The following MS4A12 variants were observed in gnomAD, a reference collection of about 807,000 sequenced individuals.
MS4A12 encodes membrane spanning 4-domains A12.
MS4A12 carries 28 observed loss-of-function variants against 23.7 expected under a neutral mutation model. The ratio of observed to expected loss-of-function variants is 1.18; its 90% CI spans 0.88 to 1.62. The LOEUF (loss-of-function observed/expected upper bound fraction) is 1.62, where lower values mean the gene tolerates loss of function less well. MS4A12 is among the 40% of genes most tolerant of loss of function. The pLI, the probability that MS4A12 is intolerant of heterozygous loss-of-function variation, is 0.00. For synonymous variants in MS4A12, 108 were observed against 110.1 expected, an observed-to-expected ratio of 0.98 and a Z score of 0.12; for missense variants, 342 against 327.0, an observed-to-expected ratio of 1.05 and a Z score of -0.35.
In MS4A12 at chr11:60,506,761, ATCT is replaced by A; in HGVS notation, c.626_628del (p.Phe209del). On this transcript the variant is annotated inframe_deletion, in exon 6 of 7. Coordinates refer to ENST00000016913, the MANE Select transcript of MS4A12 (RefSeq NM_017716.3). ...AAAAGGCATTTCAGCCACGCTGATG[ATCT>A]TCTCCCTCTTGGAGTTCTTCGTAGC... is the stretch of plus-strand genomic sequence containing the variant. 3 of 1,614,144 alleles carry A rather than the reference ATCT, an allele frequency of 1.9e-6. No homozygotes were observed.
intron 2 of MS4A12, 65 bp from the exon 3 acceptor site, chr11:60,500,980 G>T: frequency 6.7e-7 from 1 of 1,502,734 alleles, no homozygotes; most frequent in South Asian, 1.4e-5. Context: ...GGGCAGCAAT[G>T]ACAGTAATGT....
intron 2 of MS4A12, 66 bp downstream of exon 2, chr11:60,497,660 A>G (rs1354918813): frequency 1.3e-6 from 2 of 1,516,646 alleles, no homozygotes; most frequent in African/African-American, 2.8e-5. Flanking sequence ...GTTATAGGAG[A>G]GTATCATCCA....
At chr11:60,496,885 T>G (rs1246472268) in intron 1 of MS4A12, among the ~76,000 whole-genome samples, 1 of 152,210 alleles carries the variant, frequency 6.6e-6, no homozygotes, top group African/African-American at 2.4e-5. Context: ...GTTGGCAGCA[T>G]AGCATCTCTC....
chr11:60,493,273 G>A (rs2086462906), intron 1 of MS4A12, among the ~76,000 whole-genome samples: 1 of 151,942 alleles, frequency 6.6e-6, no homozygotes, highest in Admixed American at 6.6e-5. Context: ...CTACTCGGGG[G>A]GCTGAGGCAG....
At chr11:60,494,909 C>T (rs6591593) in intron 1 of MS4A12, among the ~76,000 whole-genome samples, 85,298 of 151,862 alleles carry the variant, frequency 0.56, 24,063 homozygotes, top group East Asian at 0.65. Flanking sequence ...TTGAGAGTTA[C>T]GTGGTGTTAC....
In MS4A12 at chr11:60,507,315, A is replaced by C; in HGVS notation, c.*191A>C. On this transcript the variant is annotated 3_prime_UTR_variant, in exon 7 of 7. Transcript: ENST00000016913. ...TCTCTTCCTACATTACCACTACTAC[A>C]TGCTGGCAAAGGTGAAGGATCAGAG... The C allele has an allele frequency of 3.6e-6, 2 of 555,618 alleles. No individual in the cohort carries two copies. The highest frequency in any genetic ancestry group is 6.4e-6 in the Non-Finnish European group (2 of 314,148). 34.4% of individuals were successfully genotyped at this position (555,618 alleles called of 1,614,324 possible).
Position 60,497,513 on chromosome 11 carries a change from G to A in MS4A12, c.195G>A (p.Pro65=), listed in dbSNP as rs375239051. Residue 65 remains proline, a synonymous_variant, in exon 2 of 7, where the codon CCG becomes CCA. Coordinates refer to ENST00000016913, the MANE Select transcript of MS4A12 (RefSeq NM_017716.3). ...TSPGIFASSQ[P]GQGNIQMINP... Reference sequence around the variant, plus strand: ...CGGGAATCTTTGCTAGCAGTCAACCGGGTCAAGGAAATATACAAATGATAA... The same window carrying A: ...CGGGAATCTTTGCTAGCAGTCAACCAGGTCAAGGAAATATACAAATGATAA... 4.6e-5 allele frequency: 74 copies of A among 1,613,948 alleles called. No individual in the cohort carries two copies. The highest frequency in any genetic ancestry group is 1.7e-4 in the Admixed American group (10 of 59,998).
intron 2 of MS4A12, chr11:60,498,124 A>C (rs535048547): frequency 6.5e-6 from 1 of 152,702 alleles, no homozygotes; most frequent in Non-Finnish European, 1.5e-5. Flanking sequence ...GAGACTCTGA[A>C]CTGACTGCCT....
Position 60,501,161 on chromosome 11 carries a change from C to A in MS4A12, c.393C>A (p.Tyr131Ter), listed in dbSNP as rs150012278. 5 of 1,611,560 alleles carry A rather than the reference C, an allele frequency of 3.1e-6. No homozygotes were observed. The African/African-American group carries it at 5.4e-5, about 17-fold the overall frequency. ...CCTCTACTGCTGTTATTGGTGGATACCCATTCTGGGGTGGCCTTTCTGTGA... is the reference window on the plus strand; with the variant it reads ...CCTCTACTGCTGTTATTGGTGGATAACCATTCTGGGGTGGCCTTTCTGTGA... ...GFASTAVIGG[Y>*]PFWGGLSFII... Residue 131 changes from tyrosine (Y) to a stop codon, truncating the protein, a stop_gained, in exon 3 of 7, where the codon TAC (tyrosine) becomes TAA (stop). Coordinates refer to ENST00000016913, the MANE Select transcript of MS4A12 (RefSeq NM_017716.3). LOFTEE classifies it high-confidence loss of function.
At chr11:60,506,646 A>G in intron 5 of MS4A12, 82 bp from the exon 6 acceptor site, 1 of 989,532 alleles carries the variant, frequency 1.0e-6, no homozygotes, top group South Asian at 1.5e-5. Flanking sequence ...GCAATAGCAC[A>G]TTTGATGAGT....
At chr11:60,500,550 G>A (rs1173228797) in intron 2 of MS4A12, among the ~76,000 whole-genome samples, 1 of 152,140 alleles carries the variant, frequency 6.6e-6, no homozygotes, top group Non-Finnish European at 1.5e-5. Context: ...CCAGTTGTAG[G>A]AGGATTACAT....
intron 5 of MS4A12, among the ~76,000 whole-genome samples, chr11:60,506,398 G>A (rs182342228): frequency 1.5e-4 from 23 of 152,064 alleles, no homozygotes; most frequent in Admixed American, 5.9e-4. Context: ...GGAATGATCC[G>A]TTGGTTTCTG....
At position 60,507,005 on chromosome 11, in the gene MS4A12, AT is replaced by A; in HGVS notation, c.700-13del. 1.3e-6 allele frequency: 2 copies of A among 1,599,490 alleles called. No individual in the cohort carries two copies. Among genetic ancestry groups the A allele is most frequent in the Non-Finnish European group, 1.7e-6 (2 of 1,166,844 alleles). On this transcript the variant is annotated splice_polypyrimidine_tract_variant and intron_variant, in intron 6 of 6. Transcript: ENST00000016913. ...TGTAGTAACCATATTGCTTGTTTTT[AT>A]TCATTCTTTCCAGTCTGTCCTGGTT...
rs1488267191 is a variant in MS4A12, at chr11:60,505,444, T to G, written c.589-1284T>G. Among the ~76,000 whole-genome samples the G allele has an allele frequency of 3.2e-4, 48 of 151,874 alleles. 1 individual carries two copies. Among genetic ancestry groups the G allele is most frequent in the Admixed American group, 3.1e-3 (48 of 15,248 alleles). Reference sequence around the variant, plus strand: ...AGGAGGCAAAAATAGATGAGAAAGCTTCTCGGTAAATAAGGCAGAGTGAAG... The same window carrying G: ...AGGAGGCAAAAATAGATGAGAAAGCGTCTCGGTAAATAAGGCAGAGTGAAG... On this transcript the variant is annotated intron_variant, in intron 5 of 6. Coordinates refer to ENST00000016913, the MANE Select transcript of MS4A12 (RefSeq NM_017716.3).
In MS4A12 at chr11:60,497,510, A is replaced by C; in HGVS notation, c.192A>C (p.Gln64His). ...CTCCGGGAATCTTTGCTAGCAGTCA[A>C]CCGGGTCAAGGAAATATACAAATGA... ...ITSPGIFASS[Q>H]PGQGNIQMIN... The change falls in exon 2 of 7, where the codon CAA becomes CAC. Residue 64 changes from glutamine to histidine, a missense_variant. Gln to His is a conservative substitution (Grantham distance 24, BLOSUM62 0). Transcript: ENST00000016913. The C allele has an allele frequency of 6.2e-7, 1 of 1,614,174 alleles. No homozygotes were observed. Among genetic ancestry groups the C allele is most frequent in the Non-Finnish European group, 8.5e-7 (1 of 1,179,982 alleles).
intron 2 of MS4A12, among the ~76,000 whole-genome samples, chr11:60,500,428 G>T (rs554858516): frequency 6.6e-6 from 1 of 152,150 alleles, no homozygotes; most frequent in Non-Finnish European, 1.5e-5. Context: ...AGACAGTACC[G>T]AATAATTCAG....
chr11:60,501,125 A>G lies in MS4A12; in HGVS notation c.357A>G (p.Val119=). Residue 119 remains valine (V), a synonymous_variant, in exon 3 of 7, where the codon GTA becomes GTG. Coordinates refer to ENST00000016913, the MANE Select transcript of MS4A12 (RefSeq NM_017716.3). ...TAATATCCTTCTCTTTTAGAGAAGT[A>G]TTAGGTTTTGCCTCTACTGCTGTTA... is the stretch of plus-strand genomic sequence containing the variant. ...LCLISFSFRE[V]LGFASTAVIG... is the part of the protein sequence containing the mutation. 1 of 1,613,728 alleles carries G rather than the reference A, an allele frequency of 6.2e-7. No individual in the cohort carries two copies. Among genetic ancestry groups the G allele is most frequent in the East Asian group, 2.2e-5 (1 of 44,824 alleles).
intron 1 of MS4A12, among the ~76,000 whole-genome samples, chr11:60,494,627 T>C (rs1357708909): frequency 6.6e-6 from 1 of 152,212 alleles, no homozygotes; most frequent in Non-Finnish European, 1.5e-5. Flanking sequence ...AATAAAATAA[T>C]AGTTCCTTTT....
At chr11:60,500,905 C>T in intron 2 of MS4A12, 140 bp from the exon 3 acceptor site, 2 of 939,706 alleles carry the variant, frequency 2.1e-6, no homozygotes, top group Non-Finnish European at 3.2e-6. Flanking sequence ...TGACCCACCT[C>T]CTGCTTCAGA....
Sources: allele counts gnomAD v4.1 joint callset (sites outside exome capture counted in the v4.1 genomes callset), GRCh38; gene constraint gnomAD v4.1.1; transcripts MANE v1.5; gene names NCBI Gene and HGNC (gene_info 2026-07-23, HGNC 2026-07-21).